Variants in NAALADL2 observed in about 807,000 individuals in gnomAD.
NAALADL2 encodes N-acetylated alpha-linked acidic dipeptidase like 2.
In NAALADL2, 76 loss-of-function variants were observed where a neutral mutation model predicts 87.2. The observed-to-expected ratio is 0.87, with a 90% CI of 0.72 to 1.05. NAALADL2 has a LOEUF of 1.05. NAALADL2 is among the 50% of genes least tolerant of loss of function. The probability of loss-of-function intolerance (pLI) is 0.00; values close to 1 mark genes in which losing one functional copy is unlikely to be tolerated. For missense variants in NAALADL2, 1,089 were observed against 945.8 expected (o/e 1.15, Z -1.99); for synonymous variants, 354 against 331.0 (o/e 1.07, Z -0.75).
intron 1 of NAALADL2, among the ~76,000 whole-genome samples, chr3:174,465,299 A>G (rs1420140231): frequency 6.6e-6 from 1 of 152,178 alleles, no homozygotes; most frequent in African/African-American, 2.4e-5. Flanking sequence ...CAGCACAATT[A>G]ATGAAATTTG....
rs140929378 is a variant in NAALADL2, at chr3:175,552,021, A to G, written c.1654-24020A>G. Among the ~76,000 whole-genome samples the G allele has an allele frequency of 1.2e-3, 177 of 151,236 alleles. 1 individual carries two copies. The highest frequency in any genetic ancestry group is 4.2e-3 in the African/African-American group (172 of 41,144). On this transcript the variant is annotated intron_variant, in intron 9 of 13. Coordinates refer to ENST00000454872, the MANE Select transcript of NAALADL2 (RefSeq NM_207015.3). ...TTTAATGTCAATGTATCATTATTTT[A>G]TTGATTTATATTATCTAATTTCTTG...
intron 1 of NAALADL2, among the ~76,000 whole-genome samples, chr3:174,500,310 G>A (rs1050626507): frequency 2.0e-4 from 30 of 151,962 alleles, no homozygotes; most frequent in African/African-American, 7.3e-4. Flanking sequence ...ATTTGTAATA[G>A]CCATTTTTTG....
chr3:175,494,284 CA>C (rs1305851745), intron 9 of NAALADL2, among the ~76,000 whole-genome samples: 1 of 151,828 alleles, frequency 6.6e-6, no homozygotes, highest in Non-Finnish European at 1.5e-5. Context: ...GCATTTAAAC[CA>C]TTTTAATTTT....
chr3:175,590,808 G>A (rs1721336909), intron 10 of NAALADL2, among the ~76,000 whole-genome samples: 1 of 152,136 alleles, frequency 6.6e-6, no homozygotes, highest in African/African-American at 2.4e-5. Context: ...GAAAACAATT[G>A]GAGTTAAAAG....
At chr3:174,530,751 C>G (rs969819034) in intron 1 of NAALADL2, among the ~76,000 whole-genome samples, 13 of 152,144 alleles carry the variant, frequency 8.5e-5, no homozygotes, top group African/African-American at 2.9e-4. Flanking sequence ...ACTTACCCCC[C>G]ACCGGGTCCC....
chr3:175,760,751 G>A (rs1747894424), intron 13 of NAALADL2, among the ~76,000 whole-genome samples: 1 of 152,142 alleles, frequency 6.6e-6, no homozygotes, highest in South Asian at 2.1e-4. Flanking sequence ...GGGCATCTGT[G>A]TTTTGCCATT....
intron 1 of NAALADL2, among the ~76,000 whole-genome samples, chr3:174,872,337 CT>C (rs1727932830): frequency 6.6e-6 from 1 of 152,102 alleles, no homozygotes; most frequent in African/African-American, 2.4e-5. Context: ...CAGAAGGCTC[CT>C]TGAGGTTAAG....
chr3:175,264,407 G>T (rs1751581111), intron 4 of NAALADL2, among the ~76,000 whole-genome samples: 1 of 151,728 alleles, frequency 6.6e-6, no homozygotes, highest in Non-Finnish European at 1.5e-5. Context: ...GAAAGGGCAT[G>T]AATTTAATGA....
intron 3 of NAALADL2, among the ~76,000 whole-genome samples, chr3:174,812,733 G>A (rs1363920495): frequency 2.0e-5 from 3 of 151,740 alleles, no homozygotes; most frequent in East Asian, 1.9e-4. Flanking sequence ...TGCTGATCTC[G>A]TATAGGCCTA....
intron 13 of NAALADL2, among the ~76,000 whole-genome samples, chr3:175,782,499 GTCT>G (rs1751281038): frequency 7.7e-6 from 1 of 129,330 alleles, no homozygotes; most frequent in Non-Finnish European, 1.6e-5. Context: ...CTGCATAAAT[GTCT>G]TCTTTTGAGA....
intron 1 of NAALADL2, among the ~76,000 whole-genome samples, chr3:174,521,016 G>A (rs906579182): frequency 1.3e-5 from 2 of 152,100 alleles, no homozygotes; most frequent in Admixed American, 6.5e-5. Flanking sequence ...AAAAAAACAG[G>A]TGTTGGCAAG....
intron 4 of NAALADL2, among the ~76,000 whole-genome samples, chr3:175,279,825 A>C (rs1168539089): frequency 6.9e-6 from 1 of 145,620 alleles, no homozygotes; most frequent in Non-Finnish European, 1.5e-5. Context: ...TGTGTGTATT[A>C]TTAATAAAGA....
chr3:175,386,291 G>A (rs1186361794), intron 5 of NAALADL2, among the ~76,000 whole-genome samples: 1 of 151,560 alleles, frequency 6.6e-6, no homozygotes, highest in Non-Finnish European at 1.5e-5. Flanking sequence ...TTTCAAAGAA[G>A]CTGTTCATTT....
chr3:175,576,301 G>A (rs1718884733), intron 10 of NAALADL2, 114 bp downstream of exon 10: 7 of 923,152 alleles, frequency 7.6e-6, no homozygotes, highest in Non-Finnish European at 1.1e-5. Context: ...TAGAAAAGCG[G>A]CTTCATTTAG....
intron 2 of NAALADL2, among the ~76,000 whole-genome samples, chr3:175,102,511 A>T (rs1722385061): frequency 6.6e-6 from 1 of 152,204 alleles, no homozygotes; most frequent in Admixed American, 6.5e-5. Context: ...AAAGGTTCAG[A>T]AACTAAAATG....
At chr3:175,274,537 G>C (rs1266570850) in intron 4 of NAALADL2, among the ~76,000 whole-genome samples, 1 of 152,090 alleles carries the variant, frequency 6.6e-6, no homozygotes, top group Non-Finnish European at 1.5e-5. Context: ...ACATGCCCCA[G>C]TTTGCTTCTT....
intron 2 of NAALADL2, among the ~76,000 whole-genome samples, chr3:175,109,124 A>C (rs1479741483): frequency 1.3e-5 from 2 of 151,882 alleles, no homozygotes; most frequent in Non-Finnish European, 2.9e-5. Context: ...AATCGCATAC[A>C]AACATAAGCA....
At chr3:174,859,061 T>C (rs1726162290), upstream of NAALADL2, among the ~76,000 whole-genome samples, 1 of 152,148 alleles carries the variant, frequency 6.6e-6, no homozygotes, top group South Asian at 2.1e-4. Flanking sequence ...TCTGTGAAGC[T>C]TGGTGTACTG....
chr3:174,699,963 T>G (rs550573292), intron 2 of NAALADL2, among the ~76,000 whole-genome samples: 1 of 152,066 alleles, frequency 6.6e-6, no homozygotes, highest in Non-Finnish European at 1.5e-5. Context: ...TCAGATTTAA[T>G]TTTTTCTCTT....
Sources: allele counts gnomAD v4.1 joint callset (sites outside exome capture counted in the v4.1 genomes callset), GRCh38; gene constraint gnomAD v4.1.1; transcripts MANE v1.5; gene names NCBI Gene and HGNC (gene_info 2026-07-23, HGNC 2026-07-21).